PDCD4: variants seen among roughly 807,000 people sequenced by gnomAD.
PDCD4 encodes programmed cell death protein 4.
Under a neutral mutation model 54.0 loss-of-function variants are expected in PDCD4, and 56 were observed. The observed-to-expected ratio is 1.04, with a 90% CI of 0.84 to 1.30. The LOEUF is 1.30. PDCD4 is among the 50% of genes most tolerant of loss of function. The probability of loss-of-function intolerance (pLI) is 0.00; values close to 1 mark genes in which losing one functional copy is unlikely to be tolerated. For missense variants in PDCD4, 584 were observed against 559.8 expected (o/e 1.04, Z -0.44); for synonymous variants, 186 against 194.8 (o/e 0.95, Z 0.37).
intron 3 of PDCD4, 79 bp from the exon 4 acceptor site, chr10:110,882,921 TTAA>T: frequency 1.1e-6 from 1 of 902,942 alleles, no homozygotes. Context: ...TAGCTGTTGT[TTAA>T]CATCGGAACA....
Position 110,899,452 on chromosome 10 carries a change from T to A in PDCD4, c.*1364T>A, listed in dbSNP as rs993447482. 6.6e-6 allele frequency: 1 copy of A among 152,226 alleles called. No individual in the cohort carries two copies. The highest frequency in any genetic ancestry group is 6.5e-5 in the Admixed American group (1 of 15,284). The allele number at this position is 152,226 out of a possible 1,614,324, so 9.4% of individuals were successfully genotyped here. A position where few individuals can be genotyped will look rare whatever the true frequency, so the allele number is the denominator to read the frequency against. Reference sequence around the variant, plus strand: ...CATTTTATTCTCAAGTGCTTAAAATTAATGTAATTAAAAGCTTAGCTGACT... The same window carrying A: ...CATTTTATTCTCAAGTGCTTAAAATAAATGTAATTAAAAGCTTAGCTGACT... On this transcript the variant is annotated 3_prime_UTR_variant, in exon 12 of 12. Transcript: ENST00000280154.
At chr10:110,872,565 T>C (rs1845431664) in intron 1 of PDCD4, among the ~76,000 whole-genome samples, 1 of 152,136 alleles carries the variant, frequency 6.6e-6, no homozygotes, top group South Asian at 2.1e-4. Context: ...CGACCCGGGC[T>C]GGGACTTCGG....
At chr10:110,872,361 C>A (rs1240443135) in intron 1 of PDCD4, 1 of 152,328 alleles carries the variant, frequency 6.6e-6, no homozygotes, top group Non-Finnish European at 1.5e-5. Flanking sequence ...CTCAGCCCTC[C>A]TCCCCCTCTG....
In PDCD4 at chr10:110,881,373, C is replaced by T. The variant is rs1198778956; in HGVS notation, c.184C>T (p.Arg62Ter). 1.4e-5 allele frequency: 23 copies of T among 1,613,984 alleles called. No homozygotes were observed. The highest frequency in any genetic ancestry group is 1.6e-4 in the Middle Eastern group (1 of 6,084). Residue 62 changes from arginine (R) to a stop codon, truncating the protein, a stop_gained, in exon 3 of 12, where the codon CGA becomes TGA. Coordinates refer to ENST00000280154, the MANE Select transcript of PDCD4 (RefSeq NM_014456.5). LOFTEE classifies it high-confidence loss of function. ...TAGAATTAATGCCAAGGCAAAAAGG[C>T]GACTAAGGAAAAACTCATCCCGGGA... Reference protein sequence around the residue: ...EARINAKAKRRLRKNSSRDSG... With the variant: ...EARINAKAKR
rs1564681008 is a variant in PDCD4 at position 110,881,226 on chromosome 10, C to CT, written c.44-4dup. On this transcript the variant is annotated splice_region_variant and splice_polypyrimidine_tract_variant and intron_variant, in intron 2 of 11. Transcript: ENST00000280154. The stretch of plus-strand genomic sequence containing the variant: ...TTAGAATTTTTTTCTTCATTTTTCT[C>CT]TTTAAGATCCTGATAACTTAAGTGA... 1 of 1,600,434 alleles carries CT rather than the reference C, an allele frequency of 6.2e-7. No individual in the cohort carries two copies. Among genetic ancestry groups the CT allele is most frequent in the South Asian group, 1.1e-5 (1 of 89,252 alleles).
Position 110,895,932 on chromosome 10 carries a change from A to T in PDCD4, c.1210-16A>T, listed in dbSNP as rs779034211. On this transcript the variant is annotated splice_polypyrimidine_tract_variant and intron_variant, in intron 10 of 11. Coordinates refer to ENST00000280154, the MANE Select transcript of PDCD4 (RefSeq NM_014456.5). ...TATATGGGCTAACAATTCTGCATGT[A>T]ATTTCATTGTTGTAGGGTTATGAGA... 1 of 1,547,972 alleles carries T rather than the reference A, an allele frequency of 6.5e-7. No homozygotes were observed.
chr10:110,898,005 G>T lies in PDCD4; in HGVS notation c.1350-23G>T, dbSNP rs566247411. On this transcript the variant is annotated intron_variant, in intron 11 of 11. Coordinates refer to ENST00000280154, the MANE Select transcript of PDCD4 (RefSeq NM_014456.5). ...AGTCAGAATTTGTATCTGTTTTCATGTCTTTTTTTTTCTTCATTACAGGGG... is the reference window on the plus strand; with the variant it reads ...AGTCAGAATTTGTATCTGTTTTCATTTCTTTTTTTTTCTTCATTACAGGGG... 22 of 1,543,948 alleles carry T rather than the reference G, an allele frequency of 1.4e-5. 1 individual carries two copies. In the South Asian group the frequency reaches 2.6e-4, roughly 18 times the overall value.
At chr10:110,889,461 T>C in intron 6 of PDCD4, 72 bp from the exon 7 acceptor site, 1 of 827,638 alleles carries the variant, frequency 1.2e-6, no homozygotes, top group Non-Finnish European at 2.0e-6. Flanking sequence ...TCATCATTTA[T>C]GTATTTAGAA....
intron 5 of PDCD4, among the ~76,000 whole-genome samples, chr10:110,887,182 T>A (rs1219662219): frequency 6.6e-6 from 1 of 152,144 alleles, no homozygotes; most frequent in Non-Finnish European, 1.5e-5. Context: ...ATCTTTTCTG[T>A]GTTTAGATAG....
At chr10:110,886,411 A>T (rs1410430944) in intron 5 of PDCD4, among the ~76,000 whole-genome samples, 1 of 152,142 alleles carries the variant, frequency 6.6e-6, no homozygotes, top group Admixed American at 6.5e-5. Context: ...AAAGAGGAGT[A>T]TTGTGTTTGA....
At chr10:110,885,781 C>T (rs1845662120) in intron 5 of PDCD4, among the ~76,000 whole-genome samples, 1 of 151,544 alleles carries the variant, frequency 6.6e-6, no homozygotes, top group South Asian at 2.1e-4. Context: ...CACGTATGTT[C>T]AGAAGTAGGA....
At chr10:110,875,905 C>A in intron 1 of PDCD4, 61 bp from the exon 2 acceptor site, 317 of 607,864 alleles carry the variant, frequency 5.2e-4, no homozygotes, top group East Asian at 9.1e-4. Context: ...AAGTTTAATT[C>A]AGCTTAATTA....
At chr10:110,876,884 C>G (rs1845513394) in intron 2 of PDCD4, 1 of 381,496 alleles carries the variant, frequency 2.6e-6, no homozygotes, top group South Asian at 1.4e-4. Flanking sequence ...AATTCTTTGT[C>G]TTATAATTTT....
chr10:110,898,052 AG>A lies in PDCD4; in HGVS notation c.1376del (p.Gly459GlufsTer33), dbSNP rs772630520. 6.3e-7 allele frequency: 1 copy of A among 1,592,794 alleles called. No homozygotes were observed. Among genetic ancestry groups the A allele is most frequent in the African/African-American group, 1.3e-5 (1 of 74,336 alleles). On this transcript the variant is annotated frameshift_variant, in exon 12 of 12. Transcript: ENST00000280154. LOFTEE classifies it high-confidence loss of function. ...GGGGCAGAAAGCGTTTTGTAAGCGAAGGAGATGGAGGTCGTCTTAAACCAGA... is the reference window on the plus strand; with the variant it reads ...GGGGCAGAAAGCGTTTTGTAAGCGAAGAGATGGAGGTCGTCTTAAACCAGA... ...SRGRKRFVSE[G>X]DGGRLKPESY
intron 2 of PDCD4, among the ~76,000 whole-genome samples, chr10:110,877,466 A>T (rs1236566264): frequency 6.6e-6 from 1 of 152,210 alleles, no homozygotes; most frequent in Admixed American, 6.5e-5. Flanking sequence ...GCATGTTGAG[A>T]TGATATGGTT....
chr10:110,873,872 A>G (rs777850585), intron 1 of PDCD4, among the ~76,000 whole-genome samples: 2 of 152,178 alleles, frequency 1.3e-5, no homozygotes, highest in South Asian at 2.1e-4. Flanking sequence ...AATAAAAGAG[A>G]TGATAGTCAT....
chr10:110,894,675 G>A (rs1161466826), intron 10 of PDCD4, among the ~76,000 whole-genome samples, 153 bp downstream of exon 10: 1 of 148,112 alleles, frequency 6.8e-6, no homozygotes, highest in Non-Finnish European at 1.5e-5. Flanking sequence ...AATGTTTGAG[G>A]TTTGAACCTT....
chr10:110,890,345 G>T (rs562642189), intron 7 of PDCD4, among the ~76,000 whole-genome samples: 86 of 152,188 alleles, frequency 5.7e-4, no homozygotes, highest in African/African-American at 1.9e-3. Context: ...GATTTTTCTT[G>T]AATGAGAAAT....
At chr10:110,885,429 A>T in intron 5 of PDCD4, 63 bp downstream of exon 5, 1 of 702,462 alleles carries the variant, frequency 1.4e-6, no homozygotes, top group South Asian at 1.8e-5. Context: ...TTTATAAGCA[A>T]AATACATCTA....
Sources: gnomAD v4.1 joint callset for allele counts (sites outside exome capture counted in the v4.1 genomes callset) on GRCh38, gnomAD v4.1.1 for gene constraint, MANE v1.5 for transcripts, NCBI Gene and HGNC (gene_info 2026-07-23, HGNC 2026-07-21) for gene names.